The following DNAH11 variants were observed in gnomAD, a reference collection of about 807,000 sequenced individuals.
The protein encoded by DNAH11 is dynein axonemal heavy chain 11, also known as axonemal beta dynein heavy chain 11.
In DNAH11, 442 loss-of-function variants were observed where a neutral mutation model predicts 526.0. The observed-to-expected ratio is 0.84, with a 90% CI of 0.78 to 0.91. The LOEUF (loss-of-function observed/expected upper bound fraction) is 0.91. Ranked by LOEUF, DNAH11 falls within the 40% of genes least tolerant of loss-of-function variation. The probability of loss-of-function intolerance (pLI) is 0.00; values close to 1 mark genes in which losing one functional copy is unlikely to be tolerated. For synonymous variants in DNAH11, 2,461 were observed against 1,935.9 expected (o/e 1.27, Z -7.12); for missense variants, 6,989 against 5,448.7 (o/e 1.28, Z -8.90).
intron 2 of DNAH11, among the ~76,000 whole-genome samples, chr7:21,551,060 A>T (rs1783003383): frequency 6.6e-6 from 1 of 152,142 alleles, no homozygotes; most frequent in Non-Finnish European, 1.5e-5. Context: ...ATTGCATCAC[A>T]CAGAGCCTGG....
intron 28 of DNAH11, among the ~76,000 whole-genome samples, chr7:21,651,887 T>G (rs1384648492): frequency 6.6e-6 from 1 of 152,250 alleles, no homozygotes; most frequent in Admixed American, 6.5e-5. Flanking sequence ...GACAGTCATG[T>G]CACATCTTTC....
intron 35 of DNAH11, among the ~76,000 whole-genome samples, chr7:21,694,416 C>T (rs754731109): frequency 1.3e-5 from 2 of 152,078 alleles, no homozygotes; most frequent in African/African-American, 2.4e-5. Context: ...GTTCTCATTG[C>T]TCAACTGCCA....
intron 66 of DNAH11, among the ~76,000 whole-genome samples, chr7:21,846,314 G>T (rs1337687552): frequency 3.9e-5 from 6 of 152,098 alleles, no homozygotes; most frequent in Non-Finnish European, 5.9e-5. Flanking sequence ...TAGGGCAAAA[G>T]CATCTAGCTT....
chr7:21,870,061 C>G (rs982170005), intron 73 of DNAH11, among the ~76,000 whole-genome samples: 1 of 152,196 alleles, frequency 6.6e-6, no homozygotes, highest in East Asian at 1.9e-4. Flanking sequence ...TATCTGGAAT[C>G]ATTACAACAA....
intron 18 of DNAH11, among the ~76,000 whole-genome samples, chr7:21,605,372 C>G (rs74900072): frequency 0.026 from 3,896 of 152,272 alleles, 150 homozygotes; most frequent in African/African-American, 0.088. Flanking sequence ...TTAATTGGGA[C>G]ACAAGGAATG....
intron 44 of DNAH11, among the ~76,000 whole-genome samples, chr7:21,722,487 A>C (rs1324759179): frequency 6.6e-6 from 1 of 152,144 alleles, no homozygotes; most frequent in African/African-American, 2.4e-5. Context: ...TGGTTTGTTC[A>C]CTGTAGATCA....
chr7:21,569,988 T>C (rs983312276), intron 6 of DNAH11, 81 bp from the exon 7 acceptor site: 2 of 1,160,232 alleles, frequency 1.7e-6, no homozygotes, highest in Non-Finnish European at 1.2e-6. Flanking sequence ...CATTTAAAAA[T>C]GATTCTTTGA....
At chr7:21,549,207 C>T (rs2128426899) in intron 2 of DNAH11, among the ~76,000 whole-genome samples, 1 of 152,232 alleles carries the variant, frequency 6.6e-6, no homozygotes, top group South Asian at 2.1e-4. Context: ...GTCTTATTTC[C>T]CCATGCATCC....
At chr7:21,832,738 A>G (rs1489307431) in intron 65 of DNAH11, among the ~76,000 whole-genome samples, 1 of 152,232 alleles carries the variant, frequency 6.6e-6, no homozygotes, top group Non-Finnish European at 1.5e-5. Flanking sequence ...CTAGAGTGGC[A>G]GTGGACAAAT....
intron 68 of DNAH11, among the ~76,000 whole-genome samples, chr7:21,855,029 ATTTT>A (rs61635369): frequency 8.7e-5 from 10 of 114,560 alleles, no homozygotes; most frequent in Non-Finnish European, 7.2e-5. Flanking sequence ...CAGTCTCTTA[ATTTT>A]TTTTTTTTTT....
rs975391132 is a variant in DNAH11 at position 21,672,547 on chromosome 7, G to A, written c.5329-8999G>A. 2.2e-4 allele frequency among the ~76,000 whole-genome samples: 34 copies of A among 152,180 alleles called. 1 individual carries two copies. Among genetic ancestry groups the A allele is most frequent in the African/African-American group, 8.0e-4 (33 of 41,450 alleles). ...GGCCATTCTCGCTCCTTGGCCTCCA[G>A]AAGCACTGGGGTTACAGGCATGAGC... On this transcript the variant is annotated intron_variant, in intron 30 of 81. Coordinates refer to ENST00000409508, the MANE Select transcript of DNAH11 (RefSeq NM_001277115.2).
At chr7:21,835,223 C>CAAA (rs201863939) in intron 65 of DNAH11, among the ~76,000 whole-genome samples, 1 of 87,560 alleles carries the variant, frequency 1.1e-5, no homozygotes, top group Non-Finnish European at 2.4e-5. Context: ...CAGACTATTC[C>CAAA]AAAAAAAAAA....
intron 61 of DNAH11, among the ~76,000 whole-genome samples, chr7:21,800,932 A>C (rs1288298036): frequency 6.6e-6 from 1 of 152,156 alleles, no homozygotes; most frequent in African/African-American, 2.4e-5. Context: ...CACATCGTGA[A>C]CTGTTAGTTC....
chr7:21,805,445 G>A (rs1294132507), intron 62 of DNAH11, among the ~76,000 whole-genome samples: 2 of 152,084 alleles, frequency 1.3e-5, no homozygotes, highest in Admixed American at 1.3e-4. Context: ...CTAAATGGGT[G>A]AGTTTTGGGA....
intron 45 of DNAH11, among the ~76,000 whole-genome samples, chr7:21,733,418 C>T (rs1266836887): frequency 1.3e-5 from 2 of 152,048 alleles, no homozygotes; most frequent in Non-Finnish European, 2.9e-5. Flanking sequence ...AATGGGGGTC[C>T]CAAGAGCCAA....
At chr7:21,859,465 T>A (rs1314299396) in intron 68 of DNAH11, among the ~76,000 whole-genome samples, 1 of 152,242 alleles carries the variant, frequency 6.6e-6, no homozygotes, top group African/African-American at 2.4e-5. Flanking sequence ...CATCTCATTG[T>A]GTATTTGCAA....
intron 26 of DNAH11, 118 bp from the exon 27 acceptor site, chr7:21,637,493 A>T: frequency 1.4e-6 from 1 of 715,482 alleles, no homozygotes; most frequent in South Asian, 1.7e-5. Context: ...CATTCTTAGA[A>T]GTATCTTTGA....
rs779139751 is a variant in DNAH11 at position 21,842,534 on chromosome 7, C to T, written c.10692-10C>T. Reference sequence around the variant, plus strand: ...GAGTCTCCTGAAAGTCTGTGTTTTGCTCCGTTTAGGTATATCAGGATTGGA... The same window carrying T: ...GAGTCTCCTGAAAGTCTGTGTTTTGTTCCGTTTAGGTATATCAGGATTGGA... On this transcript the variant is annotated splice_polypyrimidine_tract_variant and intron_variant, in intron 65 of 81. Coordinates refer to ENST00000409508, the MANE Select transcript of DNAH11 (RefSeq NM_001277115.2). 2 of 1,611,192 alleles carry T rather than the reference C, an allele frequency of 1.2e-6. No individual in the cohort carries two copies. Among genetic ancestry groups the T allele is most frequent in the African/African-American group, 1.3e-5 (1 of 74,966 alleles).
Position 21,748,585 on chromosome 7 carries a change from G to A in DNAH11, c.8516G>A (p.Arg2839His), listed in dbSNP as rs1253630975. 1.7e-5 allele frequency: 26 copies of A among 1,527,898 alleles called. No homozygotes were observed. The highest frequency in any genetic ancestry group is 1.8e-4 in the Middle Eastern group (1 of 5,714). The allele number at this position is 1,527,898 out of a possible 1,614,324, so 94.6% of individuals were successfully genotyped here. A position where few individuals can be genotyped will look rare whatever the true frequency, so the allele number is the denominator to read the frequency against. The change falls in exon 52 of 82, where the codon CGC becomes CAC. Residue 2839 changes from arginine to histidine, a missense_variant. Physicochemically the swap from Arg to His is conservative, Grantham distance 29. Transcript: ENST00000409508. The stretch of plus-strand genomic sequence containing the variant: ...TGGGCGCTTCCTTTCCTCAGGTGTC[G>A]CATCAGCCGGATCTTACGAACCCCT... ...LFEDAMQHVC[R>H]ISRILRTPQG...
Sources: allele counts gnomAD v4.1 joint callset (sites outside exome capture counted in the v4.1 genomes callset), GRCh38; gene constraint gnomAD v4.1.1; transcripts MANE v1.5; gene names NCBI Gene and HGNC (gene_info 2026-07-23, HGNC 2026-07-21).